The following DLGAP1 variants were observed in gnomAD, a reference collection of about 807,000 sequenced individuals.
DLGAP1 encodes the protein DLG associated protein 1, also known as disks large-associated protein 1.
Under a neutral mutation model 90.8 loss-of-function variants are expected in DLGAP1, and 11 were observed. That is an observed-to-expected ratio of 0.12 (90% CI 0.08 to 0.20). The LOEUF (loss-of-function observed/expected upper bound fraction) is 0.20, where lower values mean the gene tolerates loss of function less well. DLGAP1 is among the 10% of genes least tolerant of loss of function. The pLI is 1.00. For missense variants in DLGAP1, 1,050 were observed against 1,333.8 expected (o/e 0.79, Z 3.31); for synonymous variants, 558 against 540.7 (o/e 1.03, Z -0.44).
chr18:4,372,876 C>T (rs899855123), intron 1 of DLGAP1, among the ~76,000 whole-genome samples: 5 of 151,058 alleles, frequency 3.3e-5, no homozygotes, highest in African/African-American at 9.7e-5. Flanking sequence ...TGCCGTGAGC[C>T]GAGATCAAGC....
At chr18:4,267,511 T>A (rs186652538) in intron 1 of DLGAP1, among the ~76,000 whole-genome samples, 106 of 152,350 alleles carry the variant, frequency 7.0e-4, no homozygotes, top group African/African-American at 2.3e-3. Context: ...TTAGAAGATA[T>A]GTGAGTAATC....
rs79206167 is a variant in DLGAP1 at position 3,582,464 on chromosome 18, C to T, written c.1592-216G>A. Among the ~76,000 whole-genome samples, 730 of 151,958 alleles carry T rather than the reference C, an allele frequency of 4.8e-3. 10 individuals carry two copies. Among genetic ancestry groups the T allele is most frequent in the African/African-American group, 0.017 (701 of 41,450 alleles). ...CCACAAAACTGAGGGAGAAAAACAC[C>T]GGGAAATATCAATCTCTGAAATGGA... On this transcript the variant is annotated intron_variant, in intron 7 of 12. Coordinates refer to ENST00000315677, the MANE Select transcript of DLGAP1 (RefSeq NM_004746.4).
At chr18:3,875,495 G>T (rs1445535103) in intron 4 of DLGAP1, among the ~76,000 whole-genome samples, 2 of 152,212 alleles carry the variant, frequency 1.3e-5, no homozygotes, top group African/African-American at 4.8e-5. Flanking sequence ...CTTTGTATTT[G>T]GAGGAGGTAG....
intron 1 of DLGAP1, among the ~76,000 whole-genome samples, chr18:4,298,800 G>C (rs1433366744): frequency 6.6e-6 from 1 of 151,812 alleles, no homozygotes; most frequent in Non-Finnish European, 1.5e-5. Context: ...GCAAATTCTT[G>C]GCCTGGCGCA....
chr18:4,434,703 G>A (rs1447268411), intron 1 of DLGAP1, among the ~76,000 whole-genome samples: 2 of 152,146 alleles, frequency 1.3e-5, no homozygotes, highest in African/African-American at 2.4e-5. Flanking sequence ...TACATTGTAA[G>A]GAGTACCCAT....
intron 1 of DLGAP1, among the ~76,000 whole-genome samples, chr18:4,418,128 T>C (rs1201391438): frequency 1.3e-5 from 2 of 152,096 alleles, no homozygotes; most frequent in Non-Finnish European, 2.9e-5. Context: ...GAAATAACAA[T>C]TATAACACAC....
At chr18:3,681,452 C>T (rs1380578747) in intron 7 of DLGAP1, among the ~76,000 whole-genome samples, 1 of 152,114 alleles carries the variant, frequency 6.6e-6, no homozygotes, top group Non-Finnish European at 1.5e-5. Context: ...CTTCAAAGAA[C>T]TTTGATCTCT....
At chr18:3,617,164 T>C (rs2057903446) in intron 7 of DLGAP1, among the ~76,000 whole-genome samples, 1 of 152,144 alleles carries the variant, frequency 6.6e-6, no homozygotes, top group South Asian at 2.1e-4. Context: ...AGATGATTGC[T>C]TTAAGACATT....
intron 1 of DLGAP1, among the ~76,000 whole-genome samples, chr18:4,420,829 T>C (rs1390211718): frequency 6.6e-6 from 1 of 152,188 alleles, no homozygotes; most frequent in African/African-American, 2.4e-5. Context: ...CATTAAGATA[T>C]TTAAGCCAGA....
At chr18:4,388,112 T>C (rs1427673075) in intron 1 of DLGAP1, among the ~76,000 whole-genome samples, 7 of 152,002 alleles carry the variant, frequency 4.6e-5, no homozygotes, top group Admixed American at 3.3e-4. Flanking sequence ...GCATAAACAG[T>C]GAGCTAAAGT....
At chr18:4,396,406 C>T (rs2082441773) in intron 1 of DLGAP1, among the ~76,000 whole-genome samples, 1 of 152,082 alleles carries the variant, frequency 6.6e-6, no homozygotes, top group Non-Finnish European at 1.5e-5. Context: ...TCATGAGGAC[C>T]CAGAGTTTAT....
At chr18:4,273,724 T>G (rs1335261532) in intron 1 of DLGAP1, among the ~76,000 whole-genome samples, 3 of 152,228 alleles carry the variant, frequency 2.0e-5, no homozygotes, top group African/African-American at 4.8e-5. Context: ...CGTGAGCCAC[T>G]GTGCCCCTCC....
At chr18:4,292,528 CATATT>C (rs2079875579) in intron 1 of DLGAP1, among the ~76,000 whole-genome samples, 1 of 151,874 alleles carries the variant, frequency 6.6e-6, no homozygotes, top group Non-Finnish European at 1.5e-5. Context: ...TATCTTTGCT[CATATT>C]ATAATATACT....
In DLGAP1 at chr18:4,068,584, A is replaced by G. The variant is rs545486725; in HGVS notation, c.-158-63383T>C. ...ATAACTATGCATTTTTAACGCATAA[A>G]ATATGCTTTATAGTATACATTATTG... On this transcript the variant is annotated intron_variant, in intron 2 of 12. Transcript: ENST00000315677. Among the ~76,000 whole-genome samples the G allele has an allele frequency of 5.3e-5, 8 of 152,274 alleles. 1 individual carries two copies. In the South Asian group the frequency reaches 1.7e-3, roughly 32 times the overall value.
chr18:4,243,997 C>T (rs7228916), intron 1 of DLGAP1, among the ~76,000 whole-genome samples: 4,813 of 152,112 alleles, frequency 0.032, 271 homozygotes, highest in African/African-American at 0.11. Context: ...GTAACTTCAT[C>T]GATTATTATT....
Position 4,084,925 on chromosome 18 carries a change from T to C in DLGAP1, c.-159+66255A>G, listed in dbSNP as rs911620477. 2.0e-5 allele frequency among the ~76,000 whole-genome samples: 3 copies of C among 149,822 alleles called. No individual in the cohort carries two copies. Among genetic ancestry groups the C allele is most frequent in the African/African-American group, 7.4e-5 (3 of 40,454 alleles). ...AAGTTTTGTTGTTTATGATTGACTC[T>C]AAATCAAAGAGAGCATGCTGCAAGG... On this transcript the variant is annotated intron_variant, in intron 2 of 12. Coordinates refer to ENST00000315677, the MANE Select transcript of DLGAP1 (RefSeq NM_004746.4). The surrounding 1 kb of genome is among the most constrained non-coding windows in gnomAD (Gnocchi z 4.0).
chr18:3,854,362 T>C (rs1291367193), intron 4 of DLGAP1, among the ~76,000 whole-genome samples: 1 of 149,846 alleles, frequency 6.7e-6, no homozygotes, highest in African/African-American at 2.5e-5. Context: ...ATATCATACA[T>C]ACATTGGTGG....
chr18:4,059,063 A>G (rs750297372), intron 2 of DLGAP1, among the ~76,000 whole-genome samples: 6 of 152,288 alleles, frequency 3.9e-5, no homozygotes, highest in Non-Finnish European at 7.3e-5. Flanking sequence ...AGGGGTACAC[A>G]GGTAAGGGCA....
At chr18:4,439,329 A>G (rs577590049) in intron 1 of DLGAP1, among the ~76,000 whole-genome samples, 1 of 152,352 alleles carries the variant, frequency 6.6e-6, no homozygotes, top group African/African-American at 2.4e-5. Context: ...TCAACAAATA[A>G]TCATTTAAAA....
Sources: gnomAD v4.1 joint callset for allele counts (sites outside exome capture counted in the v4.1 genomes callset) on GRCh38, gnomAD v4.1.1 for gene constraint, Gnocchi (gnomAD v3.1) non-coding constraint, MANE v1.5 for transcripts, NCBI Gene and HGNC (gene_info 2026-07-23, HGNC 2026-07-21) for gene names.